The following PTPA variants were observed in gnomAD, a reference collection of about 807,000 sequenced individuals.
PTPA encodes the protein protein phosphatase 2 phosphatase activator.
In PTPA, 13 loss-of-function variants were observed where a neutral mutation model predicts 43.6. The observed-to-expected ratio is 0.30, with a 90% CI of 0.19 to 0.47. The LOEUF (loss-of-function observed/expected upper bound fraction) is 0.47, where lower values mean the gene tolerates loss of function less well. Among genes scored for constraint, PTPA ranks in the 20% least tolerant of loss-of-function variants. The probability of loss-of-function intolerance (pLI) is 0.99; values close to 1 mark genes in which losing one functional copy is unlikely to be tolerated. For missense variants in PTPA, 329 were observed against 411.9 expected, an observed-to-expected ratio of 0.80 and a Z score of 1.74; for synonymous variants, 172 against 158.2, an observed-to-expected ratio of 1.09 and a Z score of -0.66.
intron 1 of PTPA, among the ~76,000 whole-genome samples, chr9:129,113,826 T>C (rs1196972936): frequency 1.3e-5 from 2 of 151,958 alleles, no homozygotes; most frequent in Non-Finnish European, 1.5e-5. Flanking sequence ...AGATAGGAGA[T>C]ATAAGGCAAC....
intron 3 of PTPA, among the ~76,000 whole-genome samples, chr9:129,124,979 C>T (rs760178843): frequency 5.9e-5 from 9 of 152,238 alleles, no homozygotes; most frequent in Non-Finnish European, 1.3e-4. Context: ...TTCTGGTAGA[C>T]AGCCTTCCCT....
chr9:129,134,744 C>A (rs1850239221), intron 5 of PTPA, 51 bp from the exon 6 acceptor site: 2 of 1,448,628 alleles, frequency 1.4e-6, no homozygotes, highest in African/African-American at 1.4e-5. Flanking sequence ...CTAAAACAAT[C>A]CCAGTCCTTT....
intron 9 of PTPA, among the ~76,000 whole-genome samples, chr9:129,146,987 G>A (rs533951134): frequency 2.0e-5 from 3 of 152,328 alleles, no homozygotes; most frequent in East Asian, 3.9e-4. Context: ...TTTGGGACCC[G>A]GCCTCAGCCT....
At chr9:129,143,041 C>T (rs908455836) in intron 9 of PTPA, 1 of 850,132 alleles carries the variant, frequency 1.2e-6, no homozygotes, top group Non-Finnish European at 1.8e-6. Context: ...TTTTTATGGA[C>T]CGCTTCAGGG....
intron 9 of PTPA, 98 bp downstream of exon 9, chr9:129,142,650 T>A (rs765943604): frequency 1.9e-5 from 29 of 1,561,538 alleles, no homozygotes; most frequent in Non-Finnish European, 2.5e-5. Context: ...TCCTGCTTCC[T>A]CCTACCCCAC....
At chr9:129,143,695 C>T (rs770096331) in intron 9 of PTPA, 23 of 448,816 alleles carry the variant, frequency 5.1e-5, no homozygotes, top group Non-Finnish European at 9.0e-5. Context: ...ACCTCACATC[C>T]TGTGTTTAGG....
chr9:129,112,758 A>G (rs1010647129), intron 1 of PTPA, among the ~76,000 whole-genome samples: 2 of 152,130 alleles, frequency 1.3e-5, no homozygotes, highest in African/African-American at 4.8e-5. Context: ...CCTGACCAAC[A>G]TGGAGAAACT....
intron 6 of PTPA, 35 bp from the exon 7 acceptor site, chr9:129,136,436 T>A: frequency 1.9e-6 from 3 of 1,585,656 alleles, no homozygotes; most frequent in Non-Finnish European, 2.6e-6. Flanking sequence ...CTTTTTACTT[T>A]TTGCTACCTT....
At chr9:129,117,547 G>T (rs1215267152) in intron 1 of PTPA, among the ~76,000 whole-genome samples, 1 of 151,954 alleles carries the variant, frequency 6.6e-6, no homozygotes, top group Non-Finnish European at 1.5e-5. Context: ...GGGATTACAG[G>T]TGTGCGCCAC....
At chr9:129,132,646 C>T (rs1455634724) in intron 5 of PTPA, among the ~76,000 whole-genome samples, 2 of 141,282 alleles carry the variant, frequency 1.4e-5, no homozygotes, top group African/African-American at 4.9e-5. Flanking sequence ...CCATACCTGG[C>T]TAATTTTAGT....
intron 4 of PTPA, among the ~76,000 whole-genome samples, chr9:129,130,170 A>G (rs1588508526): frequency 6.6e-6 from 1 of 152,256 alleles, no homozygotes; most frequent in East Asian, 1.9e-4. Context: ...AGGATCTCAG[A>G]CCCTGTCTAG....
chr9:129,134,696 T>G, intron 5 of PTPA, 99 bp from the exon 6 acceptor site: 1 of 938,194 alleles, frequency 1.1e-6, no homozygotes, highest in South Asian at 1.5e-5. Flanking sequence ...ACCACCCTCC[T>G]CAGAGGGGCA....
upstream of PTPA, chr9:129,111,341 G>A: frequency 8.4e-7 from 1 of 1,187,328 alleles, no homozygotes; most frequent in East Asian, 3.6e-5. Flanking sequence ...GCCCCGCACT[G>A]ACATGGCCGT....
intron 9 of PTPA, among the ~76,000 whole-genome samples, chr9:129,145,188 T>G (rs904072748): frequency 1.3e-5 from 2 of 151,250 alleles, no homozygotes; most frequent in Non-Finnish European, 2.9e-5. Context: ...AAAATTAGCC[T>G]GGCATCGTGG....
In PTPA at chr9:129,144,504, C is replaced by T. The variant is rs912976394; in HGVS notation, c.894+1952C>T. Among the ~76,000 whole-genome samples, 8 of 150,768 alleles carry T rather than the reference C, an allele frequency of 5.3e-5. No homozygotes were observed. In the East Asian group the frequency reaches 5.9e-4, roughly 11 times the overall value. ...CTGTAATCCCAGCACTTTGGGAGGC[C>T]GAGGTGGGCGGATCACGAGGTCAGG... On this transcript the variant is annotated intron_variant, in intron 9 of 9. Coordinates refer to ENST00000393370, the MANE Select transcript of PTPA (RefSeq NM_178000.3).
intron 2 of PTPA, 48 bp downstream of exon 2, chr9:129,120,658 G>A (rs748935989): frequency 6.6e-7 from 1 of 1,523,152 alleles, no homozygotes; most frequent in Admixed American, 1.7e-5. Flanking sequence ...CAAAGACAGT[G>A]GTTTTCCTAG....
intron 8 of PTPA, among the ~76,000 whole-genome samples, chr9:129,138,432 G>A (rs990439952): frequency 3.3e-5 from 5 of 152,196 alleles, no homozygotes; most frequent in African/African-American, 9.7e-5. Context: ...AAACACACGT[G>A]CCAGGCGACT....
chr9:129,144,034 C>T (rs922918670), intron 9 of PTPA, among the ~76,000 whole-genome samples: 4 of 151,608 alleles, frequency 2.6e-5, no homozygotes, highest in African/African-American at 7.3e-5. Context: ...ACCTGAAGTA[C>T]TGTCTTCTCT....
intron 1 of PTPA, chr9:129,111,929 G>A (rs1026025309): frequency 2.8e-5 from 15 of 532,050 alleles, no homozygotes; most frequent in Non-Finnish European, 3.9e-5. Context: ...GGGGCCTTTT[G>A]CATCTCTGGG....
Sources: allele counts gnomAD v4.1 joint callset (sites outside exome capture counted in the v4.1 genomes callset), GRCh38; gene constraint gnomAD v4.1.1; transcripts MANE v1.5; gene names NCBI Gene and HGNC (gene_info 2026-07-23, HGNC 2026-07-21).